The following SPIDR variants were observed in gnomAD, a reference collection of about 807,000 sequenced individuals.
SPIDR encodes scaffold protein involved in DNA repair.
SPIDR carries 93 observed loss-of-function variants against 104.6 expected under a neutral mutation model. That is an observed-to-expected ratio of 0.89 (90% CI 0.75 to 1.06). The LOEUF (loss-of-function observed/expected upper bound fraction) is 1.06, where lower values mean the gene tolerates loss of function less well. SPIDR is among the 50% of genes least tolerant of loss of function. The pLI is 0.00. For synonymous variants in SPIDR, 431 were observed against 416.9 expected, an observed-to-expected ratio of 1.03 and a Z score of -0.41; for missense variants, 1,154 against 1,111.2, an observed-to-expected ratio of 1.04 and a Z score of -0.55.
chr8:47,352,086 G>A (rs1554622719), intron 5 of SPIDR, among the ~76,000 whole-genome samples: 2 of 152,028 alleles, frequency 1.3e-5, no homozygotes, highest in African/African-American at 4.8e-5. Flanking sequence ...AGACTATCCT[G>A]GCCAACTTGA....
chr8:47,261,098 G>C, intron 1 of SPIDR, 107 bp downstream of exon 1: 1 of 1,172,524 alleles, frequency 8.5e-7, no homozygotes, highest in Non-Finnish European at 1.1e-6. Flanking sequence ...GAGGGTGGGC[G>C]TTGGGGGTGA....
intron 5 of SPIDR, among the ~76,000 whole-genome samples, chr8:47,391,938 G>A (rs1392741587): frequency 6.7e-6 from 1 of 148,992 alleles, no homozygotes; most frequent in Non-Finnish European, 1.5e-5. Flanking sequence ...GGAGCTTGCA[G>A]TGAGCCGAGA....
At chr8:47,634,236 C>CAGGGTG (rs2067534389) in intron 10 of SPIDR, among the ~76,000 whole-genome samples, 2 of 152,098 alleles carry the variant, frequency 1.3e-5, no homozygotes, top group Non-Finnish European at 2.9e-5. Context: ...GGATGGATCA[C>CAGGGTG]GAGGTCAGAG....
chr8:47,410,586 T>C (rs1490585050), intron 7 of SPIDR, among the ~76,000 whole-genome samples: 1 of 152,108 alleles, frequency 6.6e-6, no homozygotes, highest in East Asian at 1.9e-4. Context: ...TAATAATCTT[T>C]ACAACTCATT....
intron 4 of SPIDR, among the ~76,000 whole-genome samples, chr8:47,292,811 AT>A (rs1162848249): frequency 6.6e-6 from 1 of 151,814 alleles, no homozygotes; most frequent in Non-Finnish European, 1.5e-5. Context: ...TCTCTATTGT[AT>A]TTATTTTGTA....
At chr8:47,417,196 C>T (rs1267303081) in intron 7 of SPIDR, among the ~76,000 whole-genome samples, 6 of 152,168 alleles carry the variant, frequency 3.9e-5, no homozygotes, top group East Asian at 1.9e-4. Flanking sequence ...CCTGAGGAAT[C>T]GCCACACTGA....
At chr8:47,620,144 G>A (rs1303863050) in intron 10 of SPIDR, among the ~76,000 whole-genome samples, 1 of 152,150 alleles carries the variant, frequency 6.6e-6, no homozygotes, top group Non-Finnish European at 1.5e-5. Flanking sequence ...GCCAGGAGTA[G>A]TCAAGGAAGA....
chr8:47,359,916 G>T (rs2055397808), intron 5 of SPIDR, among the ~76,000 whole-genome samples: 1 of 152,168 alleles, frequency 6.6e-6, no homozygotes, highest in South Asian at 2.1e-4. Context: ...GTTTGAAAGA[G>T]CCTGGAACAA....
At chr8:47,586,347 A>C (rs918420048) in intron 8 of SPIDR, among the ~76,000 whole-genome samples, 2 of 152,124 alleles carry the variant, frequency 1.3e-5, no homozygotes, top group Admixed American at 6.5e-5. Context: ...GAGTAGTTAT[A>C]CAATTTTACA....
intron 5 of SPIDR, among the ~76,000 whole-genome samples, chr8:47,363,110 C>T (rs1298319023): frequency 4.6e-5 from 7 of 151,568 alleles, no homozygotes; most frequent in Non-Finnish European, 8.8e-5. Context: ...GTAAGCTCCA[C>T]AGAGTCCCCT....
At chr8:47,306,377 G>A (rs2043099027) in intron 5 of SPIDR, among the ~76,000 whole-genome samples, 1 of 152,158 alleles carries the variant, frequency 6.6e-6, no homozygotes, top group South Asian at 2.1e-4. Context: ...TTGACCTCAA[G>A]TGATCCGCCC....
At chr8:47,675,070 CTT>C (rs1274190858) in intron 11 of SPIDR, among the ~76,000 whole-genome samples, 1 of 152,106 alleles carries the variant, frequency 6.6e-6, no homozygotes, top group Non-Finnish European at 1.5e-5. Flanking sequence ...GAGTTTCGCT[CTT>C]GTTACCCAGG....
intron 8 of SPIDR, among the ~76,000 whole-genome samples, chr8:47,468,117 A>G (rs942462472): frequency 3.9e-5 from 6 of 152,212 alleles, no homozygotes; most frequent in Non-Finnish European, 8.8e-5. Flanking sequence ...TGCCACAAAA[A>G]GAATAAAATA....
intron 8 of SPIDR, chr8:47,592,441 T>A: frequency 6.9e-7 from 1 of 1,450,264 alleles, no homozygotes; most frequent in Non-Finnish European, 9.7e-7. Context: ...AAGGAATAGT[T>A]CAAGTTTAAA....
chr8:47,601,365 T>C (rs1242594247), intron 10 of SPIDR, among the ~76,000 whole-genome samples: 2 of 152,062 alleles, frequency 1.3e-5, no homozygotes, highest in East Asian at 3.9e-4. Context: ...GGATATAGAA[T>C]CCCAGATGGC....
intron 8 of SPIDR, among the ~76,000 whole-genome samples, chr8:47,595,559 G>A (rs1426808042): frequency 2.0e-5 from 3 of 152,188 alleles, no homozygotes; most frequent in East Asian, 3.9e-4. Context: ...TACTGGGAGG[G>A]CACAAGGGAG....
At chr8:47,286,069 A>G (rs2038785572) in intron 3 of SPIDR, among the ~76,000 whole-genome samples, 1 of 152,198 alleles carries the variant, frequency 6.6e-6, no homozygotes, top group African/African-American at 2.4e-5. Context: ...ATAAATCTAG[A>G]GTCCTGGTCT....
intron 5 of SPIDR, among the ~76,000 whole-genome samples, chr8:47,319,830 C>G (rs966012944): frequency 6.6e-6 from 1 of 151,976 alleles, no homozygotes; most frequent in African/African-American, 2.4e-5. Flanking sequence ...ACTGAACAAC[C>G]TGCTCCTGAA....
chr8:47,715,853 C>G (rs2082506561), intron 16 of SPIDR, among the ~76,000 whole-genome samples: 1 of 152,116 alleles, frequency 6.6e-6, no homozygotes, highest in Non-Finnish European at 1.5e-5. Flanking sequence ...GGGTATGAAT[C>G]CAGGACTGGA....
Sources: allele counts gnomAD v4.1 joint callset (sites outside exome capture counted in the v4.1 genomes callset), GRCh38; gene constraint gnomAD v4.1.1; transcripts MANE v1.5; gene names NCBI Gene and HGNC (gene_info 2026-07-23, HGNC 2026-07-21).